The following PLCL1 variants were observed in gnomAD, a reference collection of about 807,000 sequenced individuals.
PLCL1 encodes inactive phospholipase C-like protein 1.
Under a neutral mutation model 84.4 loss-of-function variants are expected in PLCL1, and 41 were observed. The observed-to-expected ratio is 0.49, with a 90% CI of 0.38 to 0.63. PLCL1 has a LOEUF of 0.63. Ranked by LOEUF, PLCL1 falls within the 30% of genes least tolerant of loss-of-function variation. PLCL1 has a pLI of 0.00. For synonymous variants in PLCL1, 490 were observed against 488.3 expected, an observed-to-expected ratio of 1.00 and a Z score of -0.05; for missense variants, 1,206 against 1,367.8, an observed-to-expected ratio of 0.88 and a Z score of 1.87.
intron 1 of PLCL1, among the ~76,000 whole-genome samples, chr2:197,937,222 G>A (rs182475962): frequency 6.6e-6 from 1 of 152,232 alleles, no homozygotes; most frequent in Admixed American, 6.5e-5. Context: ...TGGGCTTCCA[G>A]CTTTGTTCTT....
chr2:197,997,244 C>T (rs1325469145), intron 1 of PLCL1, among the ~76,000 whole-genome samples: 5 of 152,282 alleles, frequency 3.3e-5, no homozygotes, highest in African/African-American at 9.6e-5. Flanking sequence ...GGGGCGGGGG[C>T]GTGAGCCCAG....
intron 1 of PLCL1, among the ~76,000 whole-genome samples, chr2:198,025,871 A>C (rs2105844142): frequency 6.6e-6 from 1 of 152,220 alleles, no homozygotes; most frequent in Middle Eastern, 3.4e-3. Context: ...TAAGATTGTG[A>C]ATTTTTAAAA....
chr2:197,832,297 A>G (rs1691083946), intron 1 of PLCL1, among the ~76,000 whole-genome samples: 1 of 152,192 alleles, frequency 6.6e-6, no homozygotes, highest in African/African-American at 2.4e-5. Flanking sequence ...AATCAAATAG[A>G]CACAATAAAA....
Position 197,880,148 on chromosome 2 carries a change from A to G in PLCL1, c.240+74809A>G, listed in dbSNP as rs532854809. Reference sequence around the variant, plus strand: ...GCTACATAAAATTATGAATGTCCAGATCAATAGCATTTTTTAATATTATAA... The same window carrying G: ...GCTACATAAAATTATGAATGTCCAGGTCAATAGCATTTTTTAATATTATAA... On this transcript the variant is annotated intron_variant, in intron 1 of 5. Transcript: ENST00000428675. Among the ~76,000 whole-genome samples the G allele has an allele frequency of 2.0e-5, 3 of 152,328 alleles. No individual in the cohort carries two copies. The South Asian group carries it at 6.2e-4, about 32-fold the overall frequency.
intron 1 of PLCL1, among the ~76,000 whole-genome samples, chr2:197,890,901 G>A (rs1350133268): frequency 8.7e-6 from 1 of 114,286 alleles, no homozygotes; most frequent in Non-Finnish European, 1.8e-5. Flanking sequence ...GCATATATAT[G>A]TGTATCTATA....
At chr2:198,088,657 C>T (rs1692944229) in intron 2 of PLCL1, among the ~76,000 whole-genome samples, 1 of 152,232 alleles carries the variant, frequency 6.6e-6, no homozygotes, top group Admixed American at 6.5e-5. Flanking sequence ...TTGAAAAGCA[C>T]TGCATAGCCT....
rs75526566 is a variant in PLCL1, at chr2:198,064,749, G to A, written c.241-19009G>A. Among the ~76,000 whole-genome samples, 487 of 152,184 alleles carry A rather than the reference G, an allele frequency of 3.2e-3. 1 individual carries two copies. Among genetic ancestry groups the A allele is most frequent in the African/African-American group, 0.011 (461 of 41,520 alleles). ...GCCAAAATTGTATTAATTATTAACT[G>A]TGATTCATTTATGACTGTACTTCTT... On this transcript the variant is annotated intron_variant, in intron 1 of 5. Transcript: ENST00000428675.
chr2:198,031,413 A>G (rs1330192842), intron 1 of PLCL1, among the ~76,000 whole-genome samples: 1 of 151,930 alleles, frequency 6.6e-6, no homozygotes, highest in Non-Finnish European at 1.5e-5. Context: ...TTTTGTGGTT[A>G]CATAATTATA....
chr2:198,125,344 C>G (rs1324735639), intron 5 of PLCL1, among the ~76,000 whole-genome samples: 1 of 151,868 alleles, frequency 6.6e-6, no homozygotes, highest in Non-Finnish European at 1.5e-5. Flanking sequence ...TATGTATGAG[C>G]AATTTGTCCA....
intron 5 of PLCL1, among the ~76,000 whole-genome samples, chr2:198,130,743 T>C (rs1423772207): frequency 1.3e-5 from 2 of 152,070 alleles, no homozygotes; most frequent in Non-Finnish European, 2.9e-5. Flanking sequence ...CCACCTCTAA[T>C]TGGTTAGCAA....
intron 1 of PLCL1, among the ~76,000 whole-genome samples, chr2:197,996,674 C>T (rs1690473817): frequency 6.6e-6 from 1 of 151,910 alleles, no homozygotes. Flanking sequence ...GCAGAATCTC[C>T]TTGGTGAGCG....
intron 1 of PLCL1, among the ~76,000 whole-genome samples, chr2:197,852,569 C>T (rs1165455176): frequency 6.6e-6 from 1 of 152,162 alleles, no homozygotes; most frequent in Non-Finnish European, 1.5e-5. Context: ...TATCATATTG[C>T]TTCTGTCATT....
intron 1 of PLCL1, among the ~76,000 whole-genome samples, chr2:198,013,654 G>A (rs1435388386): frequency 2.0e-5 from 3 of 152,098 alleles, no homozygotes; most frequent in African/African-American, 4.8e-5. Flanking sequence ...TATGGGTGGC[G>A]ATTAGACCAA....
intron 1 of PLCL1, among the ~76,000 whole-genome samples, chr2:197,859,944 G>T (rs571981903): frequency 2.0e-5 from 3 of 152,060 alleles, no homozygotes; most frequent in Admixed American, 2.0e-4. Context: ...GTGTCACAGG[G>T]GTTTGTTGTA....
chr2:198,003,482 G>T (rs1260007353), intron 1 of PLCL1, among the ~76,000 whole-genome samples: 3 of 152,238 alleles, frequency 2.0e-5, no homozygotes, highest in East Asian at 1.9e-4. Context: ...CTCTTGTATT[G>T]GTTCGTTGAC....
intron 1 of PLCL1, among the ~76,000 whole-genome samples, chr2:197,823,939 G>T (rs572809434): frequency 1.3e-5 from 2 of 152,120 alleles, no homozygotes; most frequent in African/African-American, 2.4e-5. Flanking sequence ...TTTAAAAGTG[G>T]TCTCCACTTT....
intron 5 of PLCL1, among the ~76,000 whole-genome samples, chr2:198,115,760 G>A (rs935353367): frequency 2.0e-5 from 3 of 151,516 alleles, no homozygotes. Flanking sequence ...ATCAGGTCTC[G>A]TGAGACTTAT....
intron 1 of PLCL1, among the ~76,000 whole-genome samples, chr2:197,999,816 C>T (rs949455831): frequency 6.6e-6 from 1 of 152,048 alleles, no homozygotes; most frequent in African/African-American, 2.4e-5. Context: ...CCCTTTCTTC[C>T]CTCTCCTACA....
chr2:197,869,037 T>C (rs773945797), intron 1 of PLCL1, among the ~76,000 whole-genome samples: 9 of 152,212 alleles, frequency 5.9e-5, no homozygotes, highest in Non-Finnish European at 1.2e-4. Context: ...GTGCCTGTTA[T>C]ACGCTGAGCA....
Sources: allele counts gnomAD v4.1 joint callset (sites outside exome capture counted in the v4.1 genomes callset), GRCh38; gene constraint gnomAD v4.1.1; transcripts MANE v1.5; gene names NCBI Gene and HGNC (gene_info 2026-07-23, HGNC 2026-07-21).